NAA11: variants seen among roughly 807,000 people sequenced by gnomAD.
NAA11 encodes the protein N-alpha-acetyltransferase 11.
Under a neutral mutation model 16.1 loss-of-function variants are expected in NAA11, and 15 were observed. That is an observed-to-expected ratio of 0.93 (90% CI 0.62 to 1.44). The LOEUF (loss-of-function observed/expected upper bound fraction) is 1.44. Among genes scored for constraint, NAA11 ranks in the 40% most tolerant of loss-of-function variants. The pLI, the probability that NAA11 is intolerant of heterozygous loss-of-function variation, is 0.00. For missense variants in NAA11, 298 were observed against 291.3 expected, an observed-to-expected ratio of 1.02 and a Z score of -0.17; for synonymous variants, 122 against 112.4, an observed-to-expected ratio of 1.09 and a Z score of -0.54.
chr4:79,191,577 A>G, the NAA11 span, among the ~76,000 whole-genome samples: 2 of 152,158 alleles, frequency 1.3e-5, no homozygotes, highest in African/African-American at 4.8e-5. Context: ...GATGCTGGAT[A>G]TTAGACCATT....
chr4:79,262,511 G>T (rs1046500481), intron 2 of NAA11, among the ~76,000 whole-genome samples: 1 of 152,034 alleles, frequency 6.6e-6, no homozygotes, highest in Non-Finnish European at 1.5e-5. Context: ...TAATATATAG[G>T]GGGGAATAGG....
At chr4:79,222,752 A>G (rs564968172), downstream of NAA11, among the ~76,000 whole-genome samples, 782 of 151,458 alleles carry the variant, frequency 5.2e-3, 6 homozygotes, top group African/African-American at 0.018. Flanking sequence ...TCATCTGACA[A>G]AGGGCTAATA....
chr4:79,267,508 A>G (rs901790974), intron 2 of NAA11, among the ~76,000 whole-genome samples: 1 of 152,200 alleles, frequency 6.6e-6, no homozygotes, highest in Non-Finnish European at 1.5e-5. Flanking sequence ...AGTTTTAAGC[A>G]TATACTTGTT....
chr4:79,192,640 A>G, the NAA11 span, among the ~76,000 whole-genome samples: 1 of 151,920 alleles, frequency 6.6e-6, no homozygotes, highest in Non-Finnish European at 1.5e-5. Flanking sequence ...TTGGGCATTT[A>G]GGTTGGTTCC....
At chr4:79,275,840 T>C (rs1348964328) in intron 2 of NAA11, among the ~76,000 whole-genome samples, 1 of 152,150 alleles carries the variant, frequency 6.6e-6, no homozygotes. Flanking sequence ...AAGGATATGC[T>C]GTAAGCAACA....
At chr4:79,228,619 G>C (rs990529120) in intron 2 of NAA11, among the ~76,000 whole-genome samples, 9 of 151,912 alleles carry the variant, frequency 5.9e-5, no homozygotes, top group African/African-American at 2.2e-4. Flanking sequence ...ATTAAGATTT[G>C]CCCATGTTTC....
the NAA11 span, among the ~76,000 whole-genome samples, chr4:79,201,618 C>T: frequency 6.6e-6 from 1 of 151,458 alleles, no homozygotes; most frequent in Admixed American, 6.6e-5. Flanking sequence ...TTTATTTTGA[C>T]GTTGCTTATA....
the NAA11 span, among the ~76,000 whole-genome samples, chr4:79,176,172 C>G: frequency 6.6e-6 from 1 of 152,258 alleles, no homozygotes; most frequent in African/African-American, 2.4e-5. Context: ...ATGTGGCTCT[C>G]CAGAGCCTGC....
chr4:79,158,716 T>TATATATATATATATATATATATATAG, the NAA11 span, among the ~76,000 whole-genome samples: 1 of 147,048 alleles, frequency 6.8e-6, no homozygotes, highest in Non-Finnish European at 1.5e-5. Flanking sequence ...TATATATATA[T>TATATATATATATATATATATATATAG]ATATATGGCT....
intron 2 of NAA11, among the ~76,000 whole-genome samples, chr4:79,250,426 A>G (rs201612010): frequency 1.3e-5 from 2 of 152,356 alleles, no homozygotes; most frequent in East Asian, 3.9e-4. Flanking sequence ...TGAGTTCCAC[A>G]GGAACTCGGA....
At chr4:79,204,046 C>G in the NAA11 span, among the ~76,000 whole-genome samples, 1 of 151,840 alleles carries the variant, frequency 6.6e-6, no homozygotes, top group African/African-American at 2.4e-5. Context: ...GTCTCAAGCA[C>G]TGCTACTGAG....
the NAA11 span, among the ~76,000 whole-genome samples, chr4:79,157,191 T>A: frequency 6.6e-6 from 1 of 152,158 alleles, no homozygotes; most frequent in Non-Finnish European, 1.5e-5. Flanking sequence ...TGAGATTTTG[T>A]TGCACCCATT....
the NAA11 span, among the ~76,000 whole-genome samples, chr4:79,210,309 G>A: frequency 6.6e-6 from 1 of 152,106 alleles, no homozygotes; most frequent in Admixed American, 6.6e-5. Context: ...GGGGTCACAG[G>A]GCACAGTGTC....
At chr4:79,164,508 C>A in the NAA11 span, among the ~76,000 whole-genome samples, 1 of 152,200 alleles carries the variant, frequency 6.6e-6, no homozygotes, top group Admixed American at 6.5e-5. Flanking sequence ...AGAAAATACG[C>A]TTGATGAGAT....
chr4:79,213,957 G>A, the NAA11 span, among the ~76,000 whole-genome samples: 3 of 152,088 alleles, frequency 2.0e-5, no homozygotes, highest in African/African-American at 7.2e-5. Flanking sequence ...TCCTGGGGCT[G>A]GCTAGTACTG....
intron 1 of NAA11, among the ~76,000 whole-genome samples, chr4:79,319,814 C>T (rs1724038581): frequency 6.6e-6 from 1 of 152,126 alleles, no homozygotes; most frequent in Non-Finnish European, 1.5e-5. Context: ...ACGAATTTAC[C>T]AGACCTGTCA....
chr4:79,206,172 C>A, the NAA11 span, among the ~76,000 whole-genome samples: 1 of 151,880 alleles, frequency 6.6e-6, no homozygotes, highest in African/African-American at 2.4e-5. Context: ...TGATAGGAAT[C>A]GCATTGAATC....
At chr4:79,186,076 T>C in the NAA11 span, among the ~76,000 whole-genome samples, 1 of 152,264 alleles carries the variant, frequency 6.6e-6, no homozygotes, top group Admixed American at 6.5e-5. Context: ...AGAAACATCT[T>C]GTTAAAGGTT....
At chr4:79,238,717 CACCAAAAAA>C (rs1408290564) in intron 2 of NAA11, among the ~76,000 whole-genome samples, 1 of 152,160 alleles carries the variant, frequency 6.6e-6, no homozygotes, top group Non-Finnish European at 1.5e-5. Context: ...CAGGTTCACA[CACCAAAAAA>C]TGGCAGTTGT....
Sources: allele counts gnomAD v4.1 joint callset (sites outside exome capture counted in the v4.1 genomes callset), GRCh38; gene constraint gnomAD v4.1.1; transcripts MANE v1.5; gene names NCBI Gene and HGNC (gene_info 2026-07-23, HGNC 2026-07-21).